NRXN3: variants seen among roughly 807,000 people sequenced by gnomAD.
The protein encoded by NRXN3 is neurexin III.
NRXN3 carries 32 observed loss-of-function variants against 137.6 expected under a neutral mutation model. The observed-to-expected ratio is 0.23, with a 90% CI of 0.18 to 0.31. The LOEUF (loss-of-function observed/expected upper bound fraction) is 0.31, where lower values mean the gene tolerates loss of function less well. Ranked by LOEUF, NRXN3 falls within the 10% of genes least tolerant of loss-of-function variation. The pLI, the probability that NRXN3 is intolerant of heterozygous loss-of-function variation, is 1.00. For missense variants in NRXN3, 1,574 were observed against 2,062.5 expected (o/e 0.76, Z 4.59); for synonymous variants, 798 against 784.5 (o/e 1.02, Z -0.29).
chr14:79,368,558 A>G (rs1300434535), intron 15 of NRXN3, among the ~76,000 whole-genome samples: 3 of 152,216 alleles, frequency 2.0e-5, no homozygotes, highest in African/African-American at 4.8e-5. Flanking sequence ...TTCTCAGTCA[A>G]TACTCTGCAT....
chr14:78,782,436 C>T (rs2098773286), intron 8 of NRXN3, among the ~76,000 whole-genome samples: 1 of 152,180 alleles, frequency 6.6e-6, no homozygotes. Flanking sequence ...TCAGTGAAAA[C>T]TCTGAAAAAC....
chr14:78,283,930 T>C (rs1444506374), intron 3 of NRXN3, among the ~76,000 whole-genome samples: 8 of 152,206 alleles, frequency 5.3e-5, no homozygotes, highest in Non-Finnish European at 1.2e-4. Flanking sequence ...TCTGTCTCTA[T>C]CATGGCACTG....
At chr14:78,489,743 A>G (rs564652048) in intron 4 of NRXN3, among the ~76,000 whole-genome samples, 1 of 152,066 alleles carries the variant, frequency 6.6e-6, no homozygotes, top group Non-Finnish European at 1.5e-5. Flanking sequence ...TCAGGGAAGC[A>G]GATGTCAGGA....
At chr14:78,187,841 G>A (rs996879837) in intron 1 of NRXN3, among the ~76,000 whole-genome samples, 4 of 149,208 alleles carry the variant, frequency 2.7e-5, no homozygotes, top group South Asian at 2.1e-4. Context: ...CAGGAGGTAC[G>A]AGAACTCATC....
chr14:79,502,342 C>T (rs1480414282), intron 16 of NRXN3, among the ~76,000 whole-genome samples: 1 of 152,172 alleles, frequency 6.6e-6, no homozygotes, highest in Non-Finnish European at 1.5e-5. Flanking sequence ...GGCAGACCCT[C>T]CGAGTGAAGT....
intron 4 of NRXN3, among the ~76,000 whole-genome samples, chr14:78,623,329 A>G (rs951431308): frequency 1.3e-5 from 2 of 152,206 alleles, no homozygotes; most frequent in South Asian, 2.1e-4. Context: ...ATAACTACTT[A>G]AGAAAGGCCT....
intron 15 of NRXN3, among the ~76,000 whole-genome samples, chr14:79,242,575 GC>G (rs2074481963): frequency 6.6e-6 from 1 of 152,126 alleles, no homozygotes. Flanking sequence ...GTTACCTCCA[GC>G]GAGGAGAGTA....
intron 4 of NRXN3, among the ~76,000 whole-genome samples, chr14:78,410,269 A>G (rs1220363244): frequency 6.6e-6 from 1 of 152,202 alleles, no homozygotes; most frequent in Non-Finnish European, 1.5e-5. Context: ...GGAGAATGGT[A>G]GTGACATCTT....
rs769211538 is a variant in NRXN3 at position 78,715,128 on chromosome 14, C to T, written c.2033C>T (p.Thr678Ile). ...DCTGTGYWGR[T>I]CEREASILSY... ...ACCGGCACCGGATACTGGGGAAGAACCTGCGAAAGGGGTGAGTCGGCCTAG... is the reference window on the plus strand; with the variant it reads ...ACCGGCACCGGATACTGGGGAAGAATCTGCGAAAGGGGTGAGTCGGCCTAG... Residue 678 changes from threonine (T) to isoleucine (I), a missense_variant, in exon 8 of 21, where the codon ACC (threonine) becomes ATC (isoleucine). Around this residue, in one of 5 missense-constraint regions of NRXN3, gnomAD observed 718 missense variants for 887.6 expected, o/e 0.81. Transcript: ENST00000335750. 9 of 1,607,596 alleles carry T rather than the reference C, an allele frequency of 5.6e-6. No individual in the cohort carries two copies. In the East Asian group the frequency reaches 2.0e-4, roughly 36 times the overall value.
intron 15 of NRXN3, among the ~76,000 whole-genome samples, chr14:79,377,483 G>A (rs1488640044): frequency 2.6e-5 from 4 of 152,160 alleles, no homozygotes; most frequent in African/African-American, 4.8e-5. Context: ...GCTGTGCATA[G>A]TGGCTCATGC....
chr14:79,845,420 G>A (rs1407561084), intron 20 of NRXN3, among the ~76,000 whole-genome samples: 2 of 151,958 alleles, frequency 1.3e-5, no homozygotes, highest in African/African-American at 4.9e-5. Flanking sequence ...TAGCTTTAAA[G>A]TGAGAGGTGG....
intron 4 of NRXN3, among the ~76,000 whole-genome samples, chr14:78,346,358 A>C (rs1429244621): frequency 6.6e-6 from 1 of 151,852 alleles, no homozygotes; most frequent in African/African-American, 2.4e-5. Context: ...TCTCCTCCCT[A>C]CCTGGTCTCC....
chr14:78,206,741 G>A (rs565099286), intron 1 of NRXN3, among the ~76,000 whole-genome samples: 12 of 152,262 alleles, frequency 7.9e-5, no homozygotes, highest in Admixed American at 3.3e-4. Flanking sequence ...TAACTGGCAG[G>A]GATGTTGGAG....
chr14:78,996,807 A>G (rs564009766), intron 15 of NRXN3, among the ~76,000 whole-genome samples: 1 of 152,262 alleles, frequency 6.6e-6, no homozygotes, highest in African/African-American at 2.4e-5. Context: ...CAGGAGTGGC[A>G]GCACCAAAGG....
At chr14:78,774,795 A>G (rs780522933) in intron 8 of NRXN3, among the ~76,000 whole-genome samples, 10 of 152,098 alleles carry the variant, frequency 6.6e-5, no homozygotes, top group Non-Finnish European at 1.5e-5. Context: ...GTGGTAGTGC[A>G]CACCTGTAGT....
intron 15 of NRXN3, among the ~76,000 whole-genome samples, chr14:79,400,858 A>T (rs2095172778): frequency 6.6e-6 from 1 of 152,210 alleles, no homozygotes; most frequent in African/African-American, 2.4e-5. Context: ...TATATGTTGC[A>T]TATAGCCCCC....
At chr14:78,920,974 T>G (rs1459236090) in intron 10 of NRXN3, among the ~76,000 whole-genome samples, 2 of 152,178 alleles carry the variant, frequency 1.3e-5, no homozygotes, top group African/African-American at 4.8e-5. Context: ...AAGGTAGACA[T>G]GATTGATTAT....
chr14:78,495,609 G>A lies in NRXN3; in HGVS notation c.758-149511G>A, dbSNP rs558633944. ...GTGACATCTCGAATCTTCAGGGAAGGTGGGGGGTGAATAATTGAAATAACT... is the reference window on the plus strand; with the variant it reads ...GTGACATCTCGAATCTTCAGGGAAGATGGGGGGTGAATAATTGAAATAACT... On this transcript the variant is annotated intron_variant, in intron 4 of 20. Transcript: ENST00000335750. 3.3e-5 allele frequency among the ~76,000 whole-genome samples: 5 copies of A among 152,302 alleles called. No homozygotes were observed. The South Asian group carries it at 1.0e-3, about 32-fold the overall frequency.
intron 4 of NRXN3, among the ~76,000 whole-genome samples, chr14:78,530,147 C>A (rs564604073): frequency 2.8e-4 from 43 of 152,280 alleles, no homozygotes; most frequent in African/African-American, 9.6e-4. Flanking sequence ...AAAAGCTCTG[C>A]CCTTTGCATG....
Sources: gnomAD v4.1 joint callset for allele counts (sites outside exome capture counted in the v4.1 genomes callset) on GRCh38, gnomAD v4.1.1 for gene constraint, gnomAD v4.1.1 regional missense constraint, MANE v1.5 for transcripts, NCBI Gene and HGNC (gene_info 2026-07-23, HGNC 2026-07-21) for gene names.